The following FOXP4 variants were observed in gnomAD, a reference collection of about 807,000 sequenced individuals.
The protein encoded by FOXP4 is forkhead box protein P4.
In FOXP4, 25 loss-of-function variants were observed where a neutral mutation model predicts 82.6. The ratio of observed to expected loss-of-function variants is 0.30; its 90% CI spans 0.22 to 0.42. FOXP4 has a LOEUF of 0.42. Among genes scored for constraint, FOXP4 ranks in the 10% least tolerant of loss-of-function variants. The probability of loss-of-function intolerance (pLI) is 1.00; values close to 1 mark genes in which losing one functional copy is unlikely to be tolerated. For synonymous variants in FOXP4, 415 were observed against 388.2 expected (o/e 1.07, Z -0.81); for missense variants, 785 against 900.9 (o/e 0.87, Z 1.65).
chr6:41,593,786 C>T lies in FOXP4; in HGVS notation c.1537-1084C>T, dbSNP rs1443423493. Reference sequence around the variant, plus strand: ...GGCAAATTAAAATTGGTAATGAAATCGGGCCAGTTGCAAGTGGCAAGAGTT... The same window carrying T: ...GGCAAATTAAAATTGGTAATGAAATTGGGCCAGTTGCAAGTGGCAAGAGTT... On this transcript the variant is annotated intron_variant, in intron 13 of 16. Transcript: ENST00000307972. The surrounding 1 kb of genome is among the most constrained non-coding windows in gnomAD (Gnocchi z 4.1). Among the ~76,000 whole-genome samples the T allele has an allele frequency of 3.9e-5, 6 of 152,186 alleles. No homozygotes were observed. The highest frequency in any genetic ancestry group is 2.1e-4 in the South Asian group (1 of 4,832).
At chr6:41,554,990 T>A (rs925885242) in intron 1 of FOXP4, among the ~76,000 whole-genome samples, 1 of 152,282 alleles carries the variant, frequency 6.6e-6, no homozygotes, top group Admixed American at 6.5e-5. Flanking sequence ...CAGTGGCTCA[T>A]GCCTGTAATC....
At chr6:41,586,976 C>T (rs1016012165) in intron 5 of FOXP4, 33 bp from the exon 6 acceptor site, 1 of 1,546,844 alleles carries the variant, frequency 6.5e-7, no homozygotes, top group Non-Finnish European at 8.8e-7. Flanking sequence ...TGATGGCACC[C>T]CTCTCTGCCC....
intron 2 of FOXP4, among the ~76,000 whole-genome samples, chr6:41,569,052 C>T (rs1765037799): frequency 6.6e-6 from 1 of 152,164 alleles, no homozygotes; most frequent in East Asian, 1.9e-4. Flanking sequence ...GCCCTCAAGG[C>T]CCAGCTTCCA....
rs780120879 is a variant in FOXP4, at chr6:41,587,503, G to A, written c.863G>A (p.Arg288Gln). 21 of 1,520,462 alleles carry A rather than the reference G, an allele frequency of 1.4e-5. No individual in the cohort carries two copies. The highest frequency in any genetic ancestry group is 1.8e-4 in the Middle Eastern group (1 of 5,614). 94.2% of individuals were successfully genotyped at this position (1,520,462 alleles called of 1,614,324 possible). A position where few individuals can be genotyped will look rare whatever the true frequency, so the allele number is the denominator to read the frequency against. ...GGACAGCCTACTGTGCTCACATCTC[G>A]GAGAGACAGGTACAGGGGTCCAGGC... ...PNGQPTVLTSRRDSSSHEETP... is the reference protein window; with the variant it reads ...PNGQPTVLTSQRDSSSHEETP... Residue 288 changes from arginine (R) to glutamine (Q), a missense_variant, in exon 7 of 17, where the codon CGG (arginine) becomes CAG (glutamine). Transcript: ENST00000307972.
At position 41,600,379 on chromosome 6, in the gene FOXP4, C is replaced by T. The variant is rs1767154548; in HGVS notation, c.*1443C>T. On this transcript the variant is annotated 3_prime_UTR_variant, in exon 17 of 17. Coordinates refer to ENST00000307972, the MANE Select transcript of FOXP4 (RefSeq NM_001012426.2). Reference sequence around the variant, plus strand: ...AAGAGCTGGAAAAAAGTCAGACTCTCCACAGACCCCCTATGGGGGACCCCC... The same window carrying T: ...AAGAGCTGGAAAAAAGTCAGACTCTTCACAGACCCCCTATGGGGGACCCCC... 1 of 152,702 alleles carries T rather than the reference C, an allele frequency of 6.5e-6. No homozygotes were observed. The highest frequency in any genetic ancestry group is 6.5e-5 in the Admixed American group (1 of 15,282). The allele number at this position is 152,702 out of a possible 1,614,324, so 9.5% of individuals were successfully genotyped here. A position where few individuals can be genotyped will look rare whatever the true frequency, so the allele number is the denominator to read the frequency against.
intron 1 of FOXP4, among the ~76,000 whole-genome samples, chr6:41,560,204 G>C (rs1175020804): frequency 6.6e-6 from 1 of 152,102 alleles, no homozygotes; most frequent in Admixed American, 6.5e-5. Context: ...AGACTGAGGA[G>C]GGAGGATCAC....
chr6:41,566,410 C>T (rs997378631), intron 2 of FOXP4, among the ~76,000 whole-genome samples: 4 of 152,162 alleles, frequency 2.6e-5, no homozygotes, highest in South Asian at 2.1e-4. Context: ...TATCTGCCTC[C>T]GAGTCAGCTT....
intron 2 of FOXP4, among the ~76,000 whole-genome samples, chr6:41,569,644 G>A (rs939737601): frequency 5.9e-5 from 9 of 152,220 alleles, no homozygotes; most frequent in African/African-American, 1.9e-4. Context: ...AGCTGGTGGG[G>A]TGGAGGCAGG....
At position 41,597,157 on chromosome 6, in the gene FOXP4, G is replaced by A. The variant is rs1276316179; in HGVS notation, c.1659-19G>A. On this transcript the variant is annotated intron_variant, in intron 14 of 16. Transcript: ENST00000307972. ...CTAAGTGAATGAGTGAGCCAAAGAT[G>A]GCCTTCTCTGTCCTCCAGGAGCCCC... The A allele has an allele frequency of 1.2e-5, 19 of 1,613,754 alleles. No homozygotes were observed. The highest frequency in any genetic ancestry group is 1.4e-5 in the Non-Finnish European group (16 of 1,179,684).
intron 3 of FOXP4, among the ~76,000 whole-genome samples, chr6:41,580,044 C>CTTTTTT (rs10644693): frequency 7.6e-6 from 1 of 131,924 alleles, no homozygotes; most frequent in Admixed American, 7.8e-5. Flanking sequence ...AGAACTCACA[C>CTTTTTT]TTTTTTTTTT....
At chr6:41,594,562 G>C (rs1766711502) in intron 13 of FOXP4, among the ~76,000 whole-genome samples, 1 of 152,208 alleles carries the variant, frequency 6.6e-6, no homozygotes, top group African/African-American at 2.4e-5. Context: ...TGATGAAACA[G>C]ATTATTACTA....
rs564801740 is a variant in FOXP4 at position 41,561,554 on chromosome 6, C to T, written c.-16-4191C>T. Among the ~76,000 whole-genome samples the T allele has an allele frequency of 1.3e-5, 2 of 152,166 alleles. 1 individual carries two copies. ...TCCGCAGGTGTTCAGCTGCTCCTTGCTGAGGACCTTGGTGGCTGGGGGAGG... is the reference window on the plus strand; with the variant it reads ...TCCGCAGGTGTTCAGCTGCTCCTTGTTGAGGACCTTGGTGGCTGGGGGAGG... On this transcript the variant is annotated intron_variant, in intron 1 of 16. Transcript: ENST00000307972.
At chr6:41,594,356 C>T (rs915235714) in intron 13 of FOXP4, among the ~76,000 whole-genome samples, 2 of 152,114 alleles carry the variant, frequency 1.3e-5, no homozygotes, top group African/African-American at 4.8e-5. Context: ...AGCATGGCTC[C>T]CAGACTCCTG....
At chr6:41,572,063 T>G (rs1244165263) in intron 2 of FOXP4, among the ~76,000 whole-genome samples, 4 of 152,198 alleles carry the variant, frequency 2.6e-5, no homozygotes, top group Non-Finnish European at 5.9e-5. Flanking sequence ...ATTTTTCAAG[T>G]GTATAATGAA....
intron 14 of FOXP4, among the ~76,000 whole-genome samples, chr6:41,596,856 G>T (rs548572877): frequency 2.1e-4 from 32 of 152,092 alleles, no homozygotes; most frequent in Non-Finnish European, 2.9e-4. Flanking sequence ...GAAAACGGGT[G>T]GGGGGGCAGC....
rs1766954920 is a variant in FOXP4 at position 41,597,911 on chromosome 6, G to A, written c.1856G>A (p.Gly619Asp). ...GAPVEPLPSN[G>D]SSSPPRLSPP... is the part of the protein sequence containing the mutation. ...CCCGTGGAGCCGCTGCCCAGCAACGGCAGCAGCAGCCCTCCTCGCCTCTCC... is the reference window on the plus strand; with the variant it reads ...CCCGTGGAGCCGCTGCCCAGCAACGACAGCAGCAGCCCTCCTCGCCTCTCC... Residue 619 changes from glycine to aspartate, a missense_variant, in exon 16 of 17, where the codon GGC becomes GAC. Around this residue, in one of 3 missense-constraint regions of FOXP4, gnomAD observed 184 missense variants for 187.3 expected, o/e 0.98. Coordinates refer to ENST00000307972, the MANE Select transcript of FOXP4 (RefSeq NM_001012426.2). The A allele has an allele frequency of 3.2e-6, 5 of 1,580,276 alleles. No individual in the cohort carries two copies. The African/African-American group carries it at 4.0e-5, about 13-fold the overall frequency.
intron 2 of FOXP4, among the ~76,000 whole-genome samples, chr6:41,568,686 G>T (rs959947502): frequency 1.3e-5 from 2 of 152,128 alleles, no homozygotes; most frequent in Non-Finnish European, 2.9e-5. Context: ...CATTCTCCTC[G>T]TACTCTCTGT....
intron 1 of FOXP4, among the ~76,000 whole-genome samples, chr6:41,562,795 G>A (rs1764661147): frequency 6.6e-6 from 1 of 152,190 alleles, no homozygotes; most frequent in Non-Finnish European, 1.5e-5. Flanking sequence ...GCCAGGGTTG[G>A]GGGAGAGGCC....
chr6:41,599,052 C>T lies in FOXP4; in HGVS notation c.*116C>T, dbSNP rs751896753. The stretch of plus-strand genomic sequence containing the variant: ...CTCAAGGCAAGTCCAGGACTCAGAC[C>T]GGGGAGGCCCGGGCCAGCAGCTCCC... On this transcript the variant is annotated 3_prime_UTR_variant, in exon 17 of 17. Coordinates refer to ENST00000307972, the MANE Select transcript of FOXP4 (RefSeq NM_001012426.2). 8 of 1,356,436 alleles carry T rather than the reference C, an allele frequency of 5.9e-6. No individual in the cohort carries two copies. The highest frequency in any genetic ancestry group is 2.9e-5 in the Admixed American group (1 of 34,410). 84.0% of individuals were successfully genotyped at this position (1,356,436 alleles called of 1,614,324 possible). A position where few individuals can be genotyped will look rare whatever the true frequency, so the allele number is the denominator to read the frequency against.
Sources: gnomAD v4.1 joint callset for allele counts (sites outside exome capture counted in the v4.1 genomes callset) on GRCh38, gnomAD v4.1.1 for gene constraint, gnomAD v4.1.1 regional missense constraint, Gnocchi (gnomAD v3.1) non-coding constraint, MANE v1.5 for transcripts, NCBI Gene and HGNC (gene_info 2026-07-23, HGNC 2026-07-21) for gene names.